ZC2HC1B: variants seen among roughly 807,000 people sequenced by gnomAD.
ZC2HC1B encodes zinc finger C2HC domain-containing protein 1B.
In ZC2HC1B, 36 loss-of-function variants were observed where a neutral mutation model predicts 31.0. The ratio of observed to expected loss-of-function variants is 1.16; its 90% CI spans 0.89 to 1.54. ZC2HC1B has a LOEUF of 1.54. ZC2HC1B is among the 40% of genes most tolerant of loss of function. The pLI is 0.00. For synonymous variants in ZC2HC1B, 73 were observed against 88.0 expected, an observed-to-expected ratio of 0.83 and a Z score of 0.95; for missense variants, 260 against 268.6, an observed-to-expected ratio of 0.97 and a Z score of 0.22.
chr6:143,870,652 C>T lies in ZC2HC1B; in HGVS notation c.28+6085C>T, dbSNP rs1777325749. On this transcript the variant is annotated intron_variant, in intron 1 of 7. Transcript: ENST00000237275. This position sits in a 1 kb window ranked among gnomAD's most constrained non-coding sequence, Gnocchi z 4.7. ...GGTGACTTGATGACCCACAGTCAAACGTTCAGTTTCCACCAAAGCCCAGTA... is the reference window on the plus strand; with the variant it reads ...GGTGACTTGATGACCCACAGTCAAATGTTCAGTTTCCACCAAAGCCCAGTA... 6.6e-6 allele frequency among the ~76,000 whole-genome samples: 1 copy of T among 152,186 alleles called. No individual in the cohort carries two copies. The highest frequency in any genetic ancestry group is 1.5e-5 in the Non-Finnish European group (1 of 68,032).
At chr6:143,896,840 G>A (rs566736391) in intron 4 of ZC2HC1B, among the ~76,000 whole-genome samples, 49 of 152,198 alleles carry the variant, frequency 3.2e-4, no homozygotes, top group African/African-American at 1.2e-3. Flanking sequence ...ATGCTGTCCT[G>A]TTCTATTTTT....
intron 1 of ZC2HC1B, among the ~76,000 whole-genome samples, chr6:143,875,050 C>T (rs1777389279): frequency 6.6e-6 from 1 of 152,128 alleles, no homozygotes; most frequent in African/African-American, 2.4e-5. Context: ...CCAGGGTGGT[C>T]TCGAACTCCT....
intron 1 of ZC2HC1B, among the ~76,000 whole-genome samples, chr6:143,880,761 G>A (rs141622112): frequency 3.7e-4 from 56 of 151,872 alleles, no homozygotes; most frequent in Non-Finnish European, 5.7e-4. Flanking sequence ...AAAAAAAGGC[G>A]TCAGATTTGG....
rs1777987014 is a variant in ZC2HC1B, at chr6:143,921,676, T to C, written c.599-15973T>C. On this transcript the variant is annotated intron_variant, in intron 6 of 7. Transcript: ENST00000237275. The surrounding 1 kb of genome is among the most constrained non-coding windows in gnomAD (Gnocchi z 6.1). ...TGGGTGTGGTGGCTCACATTTATAATCCCGGTGCTTTGGGAGGCCAAAGTC... is the reference window on the plus strand; with the variant it reads ...TGGGTGTGGTGGCTCACATTTATAACCCCGGTGCTTTGGGAGGCCAAAGTC... Among the ~76,000 whole-genome samples the C allele has an allele frequency of 6.6e-6, 1 of 152,236 alleles. No homozygotes were observed. Among genetic ancestry groups the C allele is most frequent in the African/African-American group, 2.4e-5 (1 of 41,468 alleles).
intron 6 of ZC2HC1B, among the ~76,000 whole-genome samples, chr6:143,925,972 T>C (rs1778035749): frequency 6.6e-6 from 1 of 152,362 alleles, no homozygotes; most frequent in African/African-American, 2.4e-5. Context: ...AATGTCTCCC[T>C]TTTTGTTTGT....
At chr6:143,931,108 A>T (rs1049791922) in intron 6 of ZC2HC1B, among the ~76,000 whole-genome samples, 3 of 152,072 alleles carry the variant, frequency 2.0e-5, no homozygotes, top group Non-Finnish European at 4.4e-5. Flanking sequence ...GTTTTGTTTG[A>T]TATGAGAATA....
chr6:143,931,381 T>TTGTTGTTTGTTTTGC (rs1299652429), intron 6 of ZC2HC1B, among the ~76,000 whole-genome samples: 1 of 152,164 alleles, frequency 6.6e-6, no homozygotes, highest in Non-Finnish European at 1.5e-5. Flanking sequence ...GGGTTTTTTG[T>TTGTTGTTTGTTTTGC]TGTTGTTTGT....
chr6:143,895,713 G>T lies in ZC2HC1B; in HGVS notation c.350-2839G>T, dbSNP rs548566507. 1.3e-4 allele frequency among the ~76,000 whole-genome samples: 20 copies of T among 152,152 alleles called. No individual in the cohort carries two copies. The highest frequency in any genetic ancestry group is 4.8e-4 in the African/African-American group (20 of 41,512). On this transcript the variant is annotated intron_variant, in intron 4 of 7. Coordinates refer to ENST00000237275, the MANE Select transcript of ZC2HC1B (RefSeq NM_001013623.3). This position sits in a 1 kb window ranked among gnomAD's most constrained non-coding sequence, Gnocchi z 4.8. ...TTTATAATTGTTATTTTTCTATGAG[G>T]CCTGGGACATTCAGTTACCATTTTG... is the stretch of plus-strand genomic sequence containing the variant.
intron 1 of ZC2HC1B, among the ~76,000 whole-genome samples, chr6:143,882,478 T>G (rs1481171077): frequency 6.6e-6 from 1 of 151,052 alleles, no homozygotes; most frequent in Non-Finnish European, 1.5e-5. Context: ...TTAGTAGATG[T>G]GACAAGAAAT....
At chr6:143,866,926 A>G (rs925833153) in intron 1 of ZC2HC1B, among the ~76,000 whole-genome samples, 1 of 152,230 alleles carries the variant, frequency 6.6e-6, no homozygotes, top group Non-Finnish European at 1.5e-5. Flanking sequence ...TAATTCTTGC[A>G]TAGTATCCAG....
chr6:143,895,159 T>TTTG lies in ZC2HC1B; in HGVS notation c.350-3378_350-3376dup, dbSNP rs375340919. 1.2e-4 allele frequency among the ~76,000 whole-genome samples: 18 copies of TTTG among 152,194 alleles called. No homozygotes were observed. The South Asian group carries it at 1.5e-3, about 12-fold the overall frequency. ...TAAGTTCTAGAGAATTTATTTGTTT[T>TTTG]TTGTTGTTGTTGTTGTTTTTGAGAC... On this transcript the variant is annotated intron_variant, in intron 4 of 7. Coordinates refer to ENST00000237275, the MANE Select transcript of ZC2HC1B (RefSeq NM_001013623.3). This position sits in a 1 kb window ranked among gnomAD's most constrained non-coding sequence, Gnocchi z 4.8.
At position 143,887,324 on chromosome 6, in the gene ZC2HC1B, A is replaced by G. The variant is rs1281506861; in HGVS notation, c.349+503A>G. Among the ~76,000 whole-genome samples the G allele has an allele frequency of 6.6e-6, 1 of 152,206 alleles. No homozygotes were observed. The highest frequency in any genetic ancestry group is 2.4e-5 in the African/African-American group (1 of 41,438). On this transcript the variant is annotated intron_variant, in intron 4 of 7. Transcript: ENST00000237275. This position sits in a 1 kb window ranked among gnomAD's most constrained non-coding sequence, Gnocchi z 5.1. Reference sequence around the variant, plus strand: ...CACATGCCCTCCACTGAAATTTGGCAATTGTTGACGCTGTTGCCATAATTT... The same window carrying G: ...CACATGCCCTCCACTGAAATTTGGCGATTGTTGACGCTGTTGCCATAATTT...
Position 143,895,365 on chromosome 6 carries a change from A to T in ZC2HC1B, c.350-3187A>T, listed in dbSNP as rs751626757. ...TTTAGTAGAGATGGGGTTTCATCAT[A>T]TTGGTCAGGCTGATCTTGAACTCCT... On this transcript the variant is annotated intron_variant, in intron 4 of 7. Coordinates refer to ENST00000237275, the MANE Select transcript of ZC2HC1B (RefSeq NM_001013623.3). This position sits in a 1 kb window ranked among gnomAD's most constrained non-coding sequence, Gnocchi z 4.8. 6.6e-6 allele frequency among the ~76,000 whole-genome samples: 1 copy of T among 152,032 alleles called. No homozygotes were observed. The highest frequency in any genetic ancestry group is 2.4e-5 in the African/African-American group (1 of 41,370).
intron 6 of ZC2HC1B, among the ~76,000 whole-genome samples, chr6:143,907,855 C>T (rs1777814183): frequency 6.6e-6 from 1 of 152,120 alleles, no homozygotes; most frequent in African/African-American, 2.4e-5. Context: ...TTTGCCCATG[C>T]CTATGTTCTG....
intron 6 of ZC2HC1B, among the ~76,000 whole-genome samples, chr6:143,919,952 C>G (rs939630982): frequency 2.6e-5 from 4 of 151,994 alleles, no homozygotes; most frequent in Non-Finnish European, 5.9e-5. Context: ...TTAGTTTTTT[C>G]CTCATTTGGG....
chr6:143,884,217 GCTAT>G lies in ZC2HC1B; in HGVS notation c.29-86_29-83del. 1 of 1,197,264 alleles carries G rather than the reference GCTAT, an allele frequency of 8.4e-7. No individual in the cohort carries two copies. The highest frequency in any genetic ancestry group is 1.2e-6 in the Non-Finnish European group (1 of 859,206). 74.2% of individuals were successfully genotyped at this position (1,197,264 alleles called of 1,614,324 possible). A position where few individuals can be genotyped will look rare whatever the true frequency, so the allele number is the denominator to read the frequency against. The stretch of plus-strand genomic sequence containing the variant: ...AGGGAAAAGAGAGTGAGGATATCAA[GCTAT>G]TGAGGTCACCTCCAGTCAGTCATTT... On this transcript the variant is annotated intron_variant, in intron 1 of 7. Transcript: ENST00000237275. The surrounding 1 kb of genome is among the most constrained non-coding windows in gnomAD (Gnocchi z 5.1).
chr6:143,874,845 G>C lies in ZC2HC1B; in HGVS notation c.29-9459G>C, dbSNP rs113521986. On this transcript the variant is annotated intron_variant, in intron 1 of 7. Transcript: ENST00000237275. ...TTATTTATTCTTTTATTTATTTTTT[G>C]TTTTTGAGATGAGGTCTCTTTCTGT... Among the ~76,000 whole-genome samples, 222 of 152,012 alleles carry C rather than the reference G, an allele frequency of 1.5e-3. 2 individuals are homozygous for C. The highest frequency in any genetic ancestry group is 5.2e-3 in the African/African-American group (214 of 41,480).
rs1433560515 is a variant in ZC2HC1B, at chr6:143,883,978, A to G, written c.29-326A>G. On this transcript the variant is annotated intron_variant, in intron 1 of 7. Transcript: ENST00000237275. This position sits in a 1 kb window ranked among gnomAD's most constrained non-coding sequence, Gnocchi z 4.1. Reference sequence around the variant, plus strand: ...ACTGGTGGTAAAAATACCACCTTATACTAAGGTATTTTTTTGCTTATGTCT... The same window carrying G: ...ACTGGTGGTAAAAATACCACCTTATGCTAAGGTATTTTTTTGCTTATGTCT... Among the ~76,000 whole-genome samples the G allele has an allele frequency of 1.3e-5, 2 of 152,164 alleles. No individual in the cohort carries two copies. Among genetic ancestry groups the G allele is most frequent in the Admixed American group, 1.3e-4 (2 of 15,270 alleles).
At position 143,919,217 on chromosome 6, in the gene ZC2HC1B, C is replaced by G. The variant is rs62427074; in HGVS notation, c.598+16065C>G. Among the ~76,000 whole-genome samples the G allele has an allele frequency of 1.8e-3, 225 of 123,646 alleles. 1 individual carries two copies. The highest frequency in any genetic ancestry group is 7.3e-3 in the South Asian group (23 of 3,170). The allele number at this position is 123,646 out of a possible 152,430, so 81.1% of individuals were successfully genotyped here. ...TCCCTTCTGCAGGGTTTGCTATTCT[C>G]TGTGTGTGTGTGTGTGTGTGTGTGT... On this transcript the variant is annotated intron_variant, in intron 6 of 7. Transcript: ENST00000237275.
Sources: gnomAD v4.1 joint callset for allele counts (sites outside exome capture counted in the v4.1 genomes callset) on GRCh38, gnomAD v4.1.1 for gene constraint, Gnocchi (gnomAD v3.1) non-coding constraint, MANE v1.5 for transcripts, NCBI Gene and HGNC (gene_info 2026-07-23, HGNC 2026-07-21) for gene names.